Variants in DGKB observed in about 807,000 individuals in gnomAD.
DGKB encodes the protein 90 kDa diacylglycerol kinase.
In DGKB, 67 loss-of-function variants were observed where a neutral mutation model predicts 114.3. The ratio of observed to expected loss-of-function variants is 0.59; its 90% confidence interval spans 0.48 to 0.72. The LOEUF is 0.72. DGKB is among the 30% of genes least tolerant of loss of function. The probability of loss-of-function intolerance (pLI) is 0.00; values close to 1 mark genes in which losing one functional copy is unlikely to be tolerated. For synonymous variants in DGKB, 398 were observed against 323.1 expected (o/e 1.23, Z -2.49); for missense variants, 907 against 975.2 (o/e 0.93, Z 0.93).
chr7:14,389,732 A>G (rs934645951), intron 21 of DGKB, among the ~76,000 whole-genome samples: 3 of 152,226 alleles, frequency 2.0e-5, no homozygotes, highest in Non-Finnish European at 1.5e-5. Flanking sequence ...CTCCGCCATT[A>G]AGGCCTAAAT....
chr7:14,692,889 AT>A (rs1585704965), intron 9 of DGKB, among the ~76,000 whole-genome samples: 1 of 151,956 alleles, frequency 6.6e-6, no homozygotes. Context: ...GAAACCTATT[AT>A]TTTTTCCTAA....
At chr7:14,915,163 T>C (rs761764012) in intron 1 of DGKB, among the ~76,000 whole-genome samples, 27 of 152,208 alleles carry the variant, frequency 1.8e-4, no homozygotes, top group Middle Eastern at 6.8e-3. Context: ...GCTGAGGAGT[T>C]TGAGACCAGC....
At chr7:14,761,340 T>G (rs975563694) in intron 2 of DGKB, among the ~76,000 whole-genome samples, 2 of 152,188 alleles carry the variant, frequency 1.3e-5, no homozygotes, top group African/African-American at 4.8e-5. Context: ...ATTATCTACA[T>G]GTCTTCTTGG....
chr7:14,941,443 T>C (rs745457702), intron 1 of DGKB, among the ~76,000 whole-genome samples: 7 of 152,074 alleles, frequency 4.6e-5, no homozygotes, highest in Non-Finnish European at 8.8e-5. Flanking sequence ...AAATATTAAT[T>C]TACATTAAGA....
At chr7:14,473,285 T>C (rs968258802) in intron 21 of DGKB, among the ~76,000 whole-genome samples, 4 of 152,060 alleles carry the variant, frequency 2.6e-5, no homozygotes, top group African/African-American at 9.7e-5. Context: ...AACATAGAGC[T>C]CAAACCATAG....
At chr7:14,685,051 C>A (rs17668238) in intron 10 of DGKB, among the ~76,000 whole-genome samples, 194 bp downstream of exon 10, 1 of 152,008 alleles carries the variant, frequency 6.6e-6, no homozygotes, top group Non-Finnish European at 1.5e-5. Context: ...TTTTTTCCAA[C>A]GGTAGGTTTT....
At chr7:14,801,950 A>ACACACG (rs1842229865) in intron 2 of DGKB, among the ~76,000 whole-genome samples, 4 of 151,718 alleles carry the variant, frequency 2.6e-5, no homozygotes, top group African/African-American at 7.3e-5. Context: ...ACACACACGC[A>ACACACG]CACACATATA....
intron 2 of DGKB, among the ~76,000 whole-genome samples, chr7:14,818,185 G>C (rs1217659592): frequency 6.6e-6 from 1 of 152,060 alleles, no homozygotes; most frequent in Non-Finnish European, 1.5e-5. Flanking sequence ...TAACAACTAA[G>C]ATACATTTAT....
chr7:14,953,795 A>G (rs897627539), intron 1 of DGKB, among the ~76,000 whole-genome samples: 1 of 152,110 alleles, frequency 6.6e-6, no homozygotes, highest in Admixed American at 6.6e-5. Context: ...AAAGAATCCA[A>G]ATGTTAGGGT....
intron 1 of DGKB, among the ~76,000 whole-genome samples, chr7:14,900,354 C>T (rs1250731288): frequency 4.6e-5 from 7 of 152,206 alleles, no homozygotes; most frequent in South Asian, 4.1e-4. Context: ...AAGTGCTCCT[C>T]GGCTAGAGGT....
chr7:14,721,939 T>C (rs1024416060), intron 5 of DGKB, among the ~76,000 whole-genome samples: 1 of 152,180 alleles, frequency 6.6e-6, no homozygotes, highest in African/African-American at 2.4e-5. Flanking sequence ...ATATCTTTCC[T>C]TCATTTTCTT....
intron 1 of DGKB, among the ~76,000 whole-genome samples, chr7:14,863,988 A>G (rs1435223092): frequency 1.3e-5 from 2 of 151,860 alleles, no homozygotes; most frequent in East Asian, 3.9e-4. Flanking sequence ...AATCCCAGCT[A>G]CTAGGGAGGC....
At position 14,841,256 on chromosome 7, in the gene DGKB, T is replaced by C; in HGVS notation, c.8A>G (p.Asn3Ser). MT[N>S]QEKWAHLSPS... ...GCTGAGGTGGGCCCATTTTTCCTGGTTTGTCATGGTGGTGGTGAGAAGCTC... is the reference window on the plus strand; with the variant it reads ...GCTGAGGTGGGCCCATTTTTCCTGGCTTGTCATGGTGGTGGTGAGAAGCTC... Residue 3 changes from asparagine to serine, a missense_variant, in exon 2 of 26, where the codon AAC (asparagine) becomes AGC (serine). By Grantham distance (46) the Asn-to-Ser change is conservative. This residue lies in a region of DGKB where 814 missense variants were observed against 856.6 expected (regional missense o/e 0.95). Transcript: ENST00000402815. The C allele has an allele frequency of 6.2e-7, 1 of 1,613,626 alleles. No individual in the cohort carries two copies. Among genetic ancestry groups the C allele is most frequent in the Non-Finnish European group, 8.5e-7 (1 of 1,179,710 alleles).
intron 25 of DGKB, among the ~76,000 whole-genome samples, chr7:14,154,234 G>C (rs985998177): frequency 6.7e-6 from 1 of 148,474 alleles, no homozygotes; most frequent in African/African-American, 2.5e-5. Flanking sequence ...TCACTTTGCA[G>C]AGAGAAGAAA....
chr7:14,304,376 G>A (rs188607432), intron 23 of DGKB, among the ~76,000 whole-genome samples: 3 of 151,906 alleles, frequency 2.0e-5, no homozygotes, highest in Admixed American at 6.6e-5. Context: ...ACCATTAAGA[G>A]CATTTTGTTT....
intron 2 of DGKB, among the ~76,000 whole-genome samples, chr7:14,779,504 C>G (rs1440520072): frequency 6.6e-6 from 1 of 152,144 alleles, no homozygotes; most frequent in Non-Finnish European, 1.5e-5. Context: ...CTACTGTATT[C>G]TAGCCTGGGC....
At chr7:14,691,748 G>C (rs58962337) in intron 9 of DGKB, among the ~76,000 whole-genome samples, 2,386 of 151,746 alleles carry the variant, frequency 0.016, 69 homozygotes, top group African/African-American at 0.054. Context: ...TACAGAGATG[G>C]GGTGGGGGGC....
chr7:14,707,337 C>T (rs1039080248), intron 6 of DGKB, among the ~76,000 whole-genome samples: 5 of 150,130 alleles, frequency 3.3e-5, no homozygotes, highest in South Asian at 4.3e-4. Flanking sequence ...AGTTTACCAA[C>T]CAAAAAGAGT....
intron 25 of DGKB, among the ~76,000 whole-genome samples, chr7:14,164,501 G>T (rs949480509): frequency 3.3e-5 from 5 of 152,174 alleles, no homozygotes; most frequent in Non-Finnish European, 1.5e-5. Flanking sequence ...TAACTATGCG[G>T]ATAAACTTCA....
Sources: allele counts gnomAD v4.1 joint callset (sites outside exome capture counted in the v4.1 genomes callset), GRCh38; gene constraint gnomAD v4.1.1; regional missense constraint gnomAD v4.1.1; transcripts MANE v1.5; gene names NCBI Gene and HGNC (gene_info 2026-07-23, HGNC 2026-07-21).